Variants in MYOM1 observed in about 807,000 individuals in gnomAD.
MYOM1 encodes the protein myomesin-1.
In MYOM1, 164 loss-of-function variants were observed where a neutral mutation model predicts 205.3. The ratio of observed to expected loss-of-function variants is 0.80; its 90% CI spans 0.70 to 0.91. MYOM1 has a LOEUF of 0.91. Ranked by LOEUF, MYOM1 falls within the 40% of genes least tolerant of loss-of-function variation. MYOM1 has a pLI of 0.00. For synonymous variants in MYOM1, 772 were observed against 789.4 expected, an observed-to-expected ratio of 0.98 and a Z score of 0.37; for missense variants, 2,011 against 2,127.3, an observed-to-expected ratio of 0.95 and a Z score of 1.08.
chr18:3,085,012 C>T (rs565279275), intron 31 of MYOM1, 33 bp downstream of exon 31: 2 of 1,519,512 alleles, frequency 1.3e-6, no homozygotes, highest in African/African-American at 1.4e-5. Context: ...TGCAGAAACA[C>T]ACAAGACAGA....
chr18:3,099,003 G>A (rs191185069), intron 25 of MYOM1, among the ~76,000 whole-genome samples: 111 of 152,252 alleles, frequency 7.3e-4, no homozygotes, highest in African/African-American at 2.4e-3. Flanking sequence ...GCCCAGGGTG[G>A]AGTGCAGTAG....
Position 3,090,667 on chromosome 18 carries a change from C to T in MYOM1, c.4000G>A (p.Val1334Ile), listed in dbSNP as rs763659581. Residue 1334 changes from valine to isoleucine, a missense_variant, in exon 27 of 38, where the codon GTT becomes ATT. Physicochemically the swap from Val to Ile is conservative, Grantham distance 29. Transcript: ENST00000356443. ...TCCACGGAATTCTTACCATCTCCAACGAGAACAACAGTAGAATGGTTAGTT... is the reference window on the plus strand; with the variant it reads ...TCCACGGAATTCTTACCATCTCCAATGAGAACAACAGTAGAATGGTTAGTT... ...KATNHSTVVL[V>I]GDVFKKLQKE... 28 of 1,613,788 alleles carry T rather than the reference C, an allele frequency of 1.7e-5. No homozygotes were observed. Among genetic ancestry groups the T allele is most frequent in the African/African-American group, 1.1e-4 (8 of 74,920 alleles).
the MYOM1 span, among the ~76,000 whole-genome samples, chr18:3,227,180 G>GT: frequency 1.6e-3 from 241 of 150,012 alleles, no homozygotes; most frequent in Non-Finnish European, 2.0e-3. Context: ...TCTTTCTTTT[G>GT]TTTTTTTTTA....
At chr18:3,105,350 A>G (rs2079438914) in intron 22 of MYOM1, among the ~76,000 whole-genome samples, 1 of 152,196 alleles carries the variant, frequency 6.6e-6, no homozygotes, top group East Asian at 1.9e-4. Flanking sequence ...AAGATTCAGT[A>G]TACTGCATCC....
rs1377047086 is a variant in MYOM1, at chr18:3,090,698, TC to T, written c.3968del (p.Gly1323GlufsTer42). 6.2e-7 allele frequency: 1 copy of T among 1,613,998 alleles called. No homozygotes were observed. The highest frequency in any genetic ancestry group is 1.7e-5 in the Admixed American group (1 of 60,024). On this transcript the variant is annotated frameshift_variant, in exon 27 of 38. Transcript: ENST00000356443. LOFTEE classifies it high-confidence loss of function. ...EGTYTFQLQDGKATNHSTVVL... is the reference protein window; with the variant it reads ...EGTYTFQLQDXKATNHSTVVL... ...CAACAGTAGAATGGTTAGTTGCTTT[TC>T]CATCTTGAAGCTGGAAAGTGTACGT...
chr18:3,131,585 G>A (rs1254239062), intron 16 of MYOM1, 89 bp from the exon 17 acceptor site: 2 of 1,152,764 alleles, frequency 1.7e-6, no homozygotes, highest in African/African-American at 1.6e-5. Flanking sequence ...CTGGCTTTAT[G>A]AAAACAATTC....
chr18:3,106,493 A>C (rs1266060468), intron 22 of MYOM1, among the ~76,000 whole-genome samples: 2 of 152,170 alleles, frequency 1.3e-5, no homozygotes, highest in East Asian at 1.9e-4. Flanking sequence ...AGAATGTGGA[A>C]ATTTTTTCAA....
intron 14 of MYOM1, among the ~76,000 whole-genome samples, chr18:3,136,948 CTTTT>C (rs916445556): frequency 7.3e-5 from 11 of 150,720 alleles, no homozygotes; most frequent in African/African-American, 2.7e-4. Flanking sequence ...TTTTTTCTTT[CTTTT>C]TTCTTTTTTT....
chr18:3,148,504 C>T (rs1213542893), intron 13 of MYOM1, among the ~76,000 whole-genome samples: 2 of 152,010 alleles, frequency 1.3e-5, no homozygotes, highest in African/African-American at 4.8e-5. Flanking sequence ...GGAGGAATTA[C>T]GAATGGGCAG....
intron 8 of MYOM1, among the ~76,000 whole-genome samples, chr18:3,172,451 G>T (rs942640686): frequency 6.6e-6 from 1 of 152,106 alleles, no homozygotes; most frequent in Non-Finnish European, 1.5e-5. Flanking sequence ...GGATTGTGAC[G>T]TGATCAATAG....
chr18:3,186,104 G>A (rs577328229), intron 5 of MYOM1, among the ~76,000 whole-genome samples: 2 of 152,202 alleles, frequency 1.3e-5, no homozygotes, highest in South Asian at 4.1e-4. Context: ...GCTGAGGCAG[G>A]AGAATTGCTT....
At chr18:3,177,441 A>ATATTATTAT in intron 5 of MYOM1, among the ~76,000 whole-genome samples, 1 of 117,252 alleles carries the variant, frequency 8.5e-6, no homozygotes, top group East Asian at 2.6e-4. Flanking sequence ...GTTAGAAGCA[A>ATATTATTAT]TATCATTATT....
At position 3,112,348 on chromosome 18, in the gene MYOM1, A is replaced by T; in HGVS notation, c.3368T>A (p.Val1123Asp). The change falls in exon 22 of 38, where the codon GTT (valine) becomes GAT (aspartate). Residue 1123 changes from valine to aspartate, a missense_variant. Val to Asp is a radical substitution (Grantham distance 152, BLOSUM62 -3). Transcript: ENST00000356443. ...GCCAGCAAGGTCAGATGGCTTCCCA[A>T]CTCCCGCCTGGTTTATGGCTCGAAC... is the stretch of plus-strand genomic sequence containing the variant. ...FRVRAINQAG[V>D]GKPSDLAGPV... is the part of the protein sequence containing the mutation. 1 of 1,612,326 alleles carries T rather than the reference A, an allele frequency of 6.2e-7. No individual in the cohort carries two copies. The highest frequency in any genetic ancestry group is 8.5e-7 in the Non-Finnish European group (1 of 1,178,764).
chr18:3,098,965 G>A (rs1432645575), intron 25 of MYOM1, among the ~76,000 whole-genome samples: 1 of 152,068 alleles, frequency 6.6e-6, no homozygotes, highest in Non-Finnish European at 1.5e-5. Context: ...GTTAGTTTTT[G>A]TTTTTAGAGA....
the MYOM1 span, among the ~76,000 whole-genome samples, chr18:3,227,481 T>C: frequency 5.3e-5 from 8 of 152,018 alleles, no homozygotes; most frequent in African/African-American, 1.7e-4. Flanking sequence ...ATGAGGAGTA[T>C]AGCTTAATGG....
At chr18:3,158,702 C>T (rs2080337518) in intron 10 of MYOM1, among the ~76,000 whole-genome samples, 1 of 152,096 alleles carries the variant, frequency 6.6e-6, no homozygotes, top group African/African-American at 2.4e-5. Context: ...TGGCTTTGAC[C>T]TCCCAGGCTC....
chr18:3,207,285 T>C (rs953873750), intron 2 of MYOM1, among the ~76,000 whole-genome samples: 4 of 152,216 alleles, frequency 2.6e-5, no homozygotes, highest in African/African-American at 9.6e-5. Context: ...CTTCTGACTA[T>C]TCCATAAGTG....
At chr18:3,236,549 G>A in the MYOM1 span, 1 of 152,302 alleles carries the variant, frequency 6.6e-6, no homozygotes, top group African/African-American at 2.4e-5. Context: ...GTGAGTCAAA[G>A]TTTTCGGCCT....
intron 21 of MYOM1, among the ~76,000 whole-genome samples, chr18:3,115,829 A>G (rs2079596768): frequency 6.6e-6 from 1 of 152,102 alleles, no homozygotes; most frequent in African/African-American, 2.4e-5. Flanking sequence ...GGTTGAGTGA[A>G]CCTGTTCCAC....
Sources: allele counts gnomAD v4.1 joint callset (sites outside exome capture counted in the v4.1 genomes callset), GRCh38; gene constraint gnomAD v4.1.1; transcripts MANE v1.5; gene names NCBI Gene and HGNC (gene_info 2026-07-23, HGNC 2026-07-21).